PRKAR2B: variants seen among roughly 807,000 people sequenced by gnomAD.
The protein encoded by PRKAR2B is protein kinase cAMP-dependent type II regulatory subunit beta, also known as cAMP-dependent protein kinase type II-beta regulatory subunit.
A neutral mutation model predicts 49.9 loss-of-function variants in PRKAR2B; 14 were observed. The observed-to-expected ratio is 0.28, with a 90% CI of 0.19 to 0.44. PRKAR2B has a LOEUF of 0.44. Among genes scored for constraint, PRKAR2B ranks in the 20% least tolerant of loss-of-function variants. PRKAR2B has a pLI of 1.00. For synonymous variants in PRKAR2B, 196 were observed against 197.7 expected (o/e 0.99, Z 0.07); for missense variants, 393 against 537.9 (o/e 0.73, Z 2.67).
At chr7:107,059,696 A>ATGTGTGTGTGTGTG (rs10692192) in intron 1 of PRKAR2B, among the ~76,000 whole-genome samples, 3 of 149,666 alleles carry the variant, frequency 2.0e-5, no homozygotes, top group Non-Finnish European at 4.5e-5. Context: ...GCTGTAGTGA[A>ATGTGTGTGTGTGTG]TGTGTGTGTG....
At chr7:107,069,125 G>A (rs1344317768) in intron 1 of PRKAR2B, among the ~76,000 whole-genome samples, 1 of 152,114 alleles carries the variant, frequency 6.6e-6, no homozygotes, top group Non-Finnish European at 1.5e-5. Context: ...TAGTAGAAAT[G>A]GGGTTTCCTC....
chr7:107,117,446 G>C (rs1007390661), intron 2 of PRKAR2B, among the ~76,000 whole-genome samples: 8 of 152,062 alleles, frequency 5.3e-5, no homozygotes, highest in African/African-American at 1.7e-4. Flanking sequence ...CTAGATTGAA[G>C]GCCTCTAAAC....
chr7:107,128,376 T>G, intron 4 of PRKAR2B, 81 bp downstream of exon 4: 1 of 1,058,004 alleles, frequency 9.5e-7, no homozygotes, highest in Non-Finnish European at 1.4e-6. Context: ...GTCTTGAGTT[T>G]TGCCCTCTTT....
intron 2 of PRKAR2B, among the ~76,000 whole-genome samples, chr7:107,072,084 T>TA (rs1372922499): frequency 2.0e-5 from 3 of 147,156 alleles, no homozygotes; most frequent in Admixed American, 1.4e-4. Flanking sequence ...AAAAAAATAA[T>TA]AAAAAATAAA....
intron 2 of PRKAR2B, among the ~76,000 whole-genome samples, chr7:107,108,144 C>T (rs1004029701): frequency 1.3e-5 from 2 of 152,110 alleles, no homozygotes; most frequent in African/African-American, 2.4e-5. Flanking sequence ...AAACCCAGAG[C>T]ATCCAGGAGT....
At chr7:107,075,627 C>G (rs973216692) in intron 2 of PRKAR2B, among the ~76,000 whole-genome samples, 2 of 151,880 alleles carry the variant, frequency 1.3e-5, no homozygotes, top group South Asian at 4.2e-4. Context: ...CTTGAACTCT[C>G]GAGCTCTAGG....
intron 2 of PRKAR2B, among the ~76,000 whole-genome samples, chr7:107,097,694 G>A (rs558005394): frequency 0.12 from 18,703 of 151,978 alleles, 1,346 homozygotes; most frequent in African/African-American, 0.2. Context: ...AGCTCTTTTA[G>A]GGCAGGCCTG....
chr7:107,150,228 C>T (rs1238467802), intron 6 of PRKAR2B, among the ~76,000 whole-genome samples: 2 of 151,960 alleles, frequency 1.3e-5, no homozygotes, highest in Admixed American at 6.6e-5. Flanking sequence ...TTTACTAGTT[C>T]TTCAACCGAG....
chr7:107,122,366 A>G (rs1795404931), intron 3 of PRKAR2B, among the ~76,000 whole-genome samples: 1 of 152,238 alleles, frequency 6.6e-6, no homozygotes, highest in South Asian at 2.1e-4. Context: ...ACTCTGAAAC[A>G]AACAAATCAC....
At chr7:107,117,255 G>A (rs1001828239) in intron 2 of PRKAR2B, among the ~76,000 whole-genome samples, 1 of 151,840 alleles carries the variant, frequency 6.6e-6, no homozygotes, top group East Asian at 1.9e-4. Context: ...GTAGGAGGGC[G>A]TTTCCCCTTC....
At chr7:107,158,256 A>G (rs1281376599) in intron 10 of PRKAR2B, among the ~76,000 whole-genome samples, 2 of 152,094 alleles carry the variant, frequency 1.3e-5, no homozygotes, top group Non-Finnish European at 2.9e-5. Flanking sequence ...GTGAAAGTCT[A>G]TTAGAAAGAG....
At chr7:107,109,885 C>A (rs544348455) in intron 2 of PRKAR2B, among the ~76,000 whole-genome samples, 1 of 152,234 alleles carries the variant, frequency 6.6e-6, no homozygotes, top group African/African-American at 2.4e-5. Flanking sequence ...ACCAGTTGTT[C>A]CTCCCCCACC....
chr7:107,065,992 G>A (rs1476793192), intron 1 of PRKAR2B, among the ~76,000 whole-genome samples: 12 of 152,250 alleles, frequency 7.9e-5, no homozygotes, highest in Non-Finnish European at 1.2e-4. Context: ...TCTTGGGAGC[G>A]TAGGAACTAA....
chr7:107,104,985 A>G (rs1386392500), intron 2 of PRKAR2B, among the ~76,000 whole-genome samples: 1 of 152,136 alleles, frequency 6.6e-6, no homozygotes, highest in Non-Finnish European at 1.5e-5. Flanking sequence ...TGATTTACTT[A>G]TGGGCAAAAT....
chr7:107,091,913 G>C (rs575774507), intron 2 of PRKAR2B: 1 of 152,160 alleles, frequency 6.6e-6, no homozygotes, highest in Non-Finnish European at 1.5e-5. Flanking sequence ...ATGTAGAAGA[G>C]AGTATTTAAT....
At chr7:107,114,148 G>A (rs760174817) in intron 2 of PRKAR2B, among the ~76,000 whole-genome samples, 3 of 152,136 alleles carry the variant, frequency 2.0e-5, no homozygotes, top group Non-Finnish European at 4.4e-5. Context: ...TAGTTCCAGT[G>A]ATTGAGTACA....
At chr7:107,114,344 G>A (rs1012485374) in intron 2 of PRKAR2B, among the ~76,000 whole-genome samples, 34 of 132,050 alleles carry the variant, frequency 2.6e-4, no homozygotes, top group Admixed American at 1.8e-3. Context: ...GTGTGTGTGT[G>A]TGTGTGTGTG....
intron 2 of PRKAR2B, among the ~76,000 whole-genome samples, chr7:107,101,398 A>C (rs549585518): frequency 6.6e-6 from 1 of 152,134 alleles, no homozygotes; most frequent in Non-Finnish European, 1.5e-5. Flanking sequence ...ACTTTCTGCC[A>C]AGCTAACTCA....
chr7:107,123,158 C>G (rs1456328657), intron 3 of PRKAR2B, among the ~76,000 whole-genome samples: 1 of 152,080 alleles, frequency 6.6e-6, no homozygotes, highest in Non-Finnish European at 1.5e-5. Flanking sequence ...TAATTGAGAT[C>G]AGAGCAATCG....
Sources: gnomAD v4.1 joint callset for allele counts (sites outside exome capture counted in the v4.1 genomes callset) on GRCh38, gnomAD v4.1.1 for gene constraint, MANE v1.5 for transcripts, NCBI Gene and HGNC (gene_info 2026-07-23, HGNC 2026-07-21) for gene names.